RICTOR: variants seen among roughly 807,000 people sequenced by gnomAD.
The protein encoded by RICTOR is RPTOR independent companion of MTOR complex 2.
A neutral mutation model predicts 214.9 loss-of-function variants in RICTOR; 49 were observed. The observed-to-expected ratio is 0.23, with a 90% CI of 0.18 to 0.29. The LOEUF is 0.29. Ranked by LOEUF, RICTOR falls within the 10% of genes least tolerant of loss-of-function variation. The probability of loss-of-function intolerance (pLI) is 1.00; values close to 1 mark genes in which losing one functional copy is unlikely to be tolerated. For missense variants in RICTOR, 1,625 were observed against 2,047.0 expected (o/e 0.79, Z 3.98); for synonymous variants, 717 against 711.3 (o/e 1.01, Z -0.13).
chr5:39,010,991 A>C (rs1221556870), intron 3 of RICTOR, among the ~76,000 whole-genome samples: 2 of 152,228 alleles, frequency 1.3e-5, no homozygotes, highest in Admixed American at 6.5e-5. Flanking sequence ...TGCATAAGTA[A>C]CAAGGATCTG....
intron 8 of RICTOR, 189 bp downstream of exon 8, chr5:38,981,678 T>C: frequency 2.2e-6 from 1 of 447,684 alleles, no homozygotes; most frequent in East Asian, 3.4e-5. Context: ...TGAAATATTC[T>C]TAAGAGTAAT....
chr5:39,008,902 A>G (rs1754276471), intron 3 of RICTOR, among the ~76,000 whole-genome samples: 1 of 152,000 alleles, frequency 6.6e-6, no homozygotes, highest in African/African-American at 2.4e-5. Flanking sequence ...TCATTACTTC[A>G]TCCTTGGGAA....
At chr5:39,011,000 T>C (rs1304544158) in intron 3 of RICTOR, among the ~76,000 whole-genome samples, 1 of 152,216 alleles carries the variant, frequency 6.6e-6, no homozygotes, top group Non-Finnish European at 1.5e-5. Context: ...AACAAGGATC[T>C]GAATGTTAAT....
chr5:38,998,738 G>A (rs2150096950), intron 5 of RICTOR, among the ~76,000 whole-genome samples: 1 of 152,250 alleles, frequency 6.6e-6, no homozygotes, highest in South Asian at 2.1e-4. Flanking sequence ...AAATAAGCCA[G>A]GTGCGGTGGC....
At chr5:39,066,208 TG>T (rs1758894006) in intron 2 of RICTOR, among the ~76,000 whole-genome samples, 1 of 152,198 alleles carries the variant, frequency 6.6e-6, no homozygotes, top group Admixed American at 6.5e-5. Flanking sequence ...TAATAATACA[TG>T]TAAGCCATCA....
At position 38,949,283 on chromosome 5, in the gene RICTOR, T is replaced by A. The variant is rs1366063419; in HGVS notation, c.4136+429A>T. ...ACAGCTACTTAAAGTGAAAATAATT[T>A]CACTGAAATTTTCATTTATCTTTTT... On this transcript the variant is annotated intron_variant, in intron 31 of 37. Coordinates refer to ENST00000357387, the MANE Select transcript of RICTOR (RefSeq NM_152756.5). 11 of 932,250 alleles carry A rather than the reference T, an allele frequency of 1.2e-5. No homozygotes were observed. The East Asian group carries it at 3.0e-4, about 26-fold the overall frequency. 57.7% of individuals were successfully genotyped at this position (932,250 alleles called of 1,614,324 possible).
intron 8 of RICTOR, among the ~76,000 whole-genome samples, chr5:38,979,361 A>T (rs1314358305): frequency 6.6e-6 from 1 of 152,178 alleles, no homozygotes; most frequent in Non-Finnish European, 1.5e-5. Flanking sequence ...TGTGGACATG[A>T]ATTTTAGTTC....
At chr5:39,046,025 T>TA in intron 2 of RICTOR, among the ~76,000 whole-genome samples, 1 of 48,778 alleles carries the variant, frequency 2.1e-5, no homozygotes, top group South Asian at 5.6e-4. Context: ...AGCTCTGTCT[T>TA]TAAAAATAAA....
intron 3 of RICTOR, among the ~76,000 whole-genome samples, chr5:39,020,661 T>C (rs1048127718): frequency 1.3e-5 from 2 of 152,216 alleles, no homozygotes; most frequent in South Asian, 4.1e-4. Flanking sequence ...ATTGACTTTA[T>C]TGCGACACTT....
intron 7 of RICTOR, 120 bp from the exon 8 acceptor site, chr5:38,982,156 A>G: frequency 1.5e-6 from 1 of 651,110 alleles, no homozygotes; most frequent in Non-Finnish European, 2.7e-6. Context: ...CAACATTTAT[A>G]AGAACAGGTA....
chr5:38,967,243 C>G lies in RICTOR; in HGVS notation c.1152-16G>C, dbSNP rs978010390. Reference sequence around the variant, plus strand: ...GAGGTCTGGCCTGGAAAAAACAGCACAGAAACAATTTAAATAAAGTTTCAT... The same window carrying G: ...GAGGTCTGGCCTGGAAAAAACAGCAGAGAAACAATTTAAATAAAGTTTCAT... On this transcript the variant is annotated splice_polypyrimidine_tract_variant and intron_variant, in intron 13 of 37. Coordinates refer to ENST00000357387, the MANE Select transcript of RICTOR (RefSeq NM_152756.5). 3 of 1,609,818 alleles carry G rather than the reference C, an allele frequency of 1.9e-6. No homozygotes were observed. In the African/African-American group the frequency reaches 4.0e-5, roughly 22 times the overall value.
intron 2 of RICTOR, among the ~76,000 whole-genome samples, chr5:39,063,597 T>C (rs1758694541): frequency 6.6e-6 from 1 of 152,186 alleles, no homozygotes; most frequent in East Asian, 1.9e-4. Flanking sequence ...CTCTAGCTTT[T>C]AGAGTCCCTT....
At chr5:39,034,486 C>T (rs1398742839) in intron 2 of RICTOR, among the ~76,000 whole-genome samples, 3 of 152,212 alleles carry the variant, frequency 2.0e-5, no homozygotes, top group African/African-American at 4.8e-5. Flanking sequence ...GTGGGTGCAG[C>T]GCACCGTGCA....
chr5:38,989,232 T>C (rs1421358777), intron 7 of RICTOR, among the ~76,000 whole-genome samples: 1 of 152,150 alleles, frequency 6.6e-6, no homozygotes, highest in Non-Finnish European at 1.5e-5. Flanking sequence ...ATCTGATCTT[T>C]GACAAACCTG....
chr5:39,014,756 G>T (rs184451263), intron 3 of RICTOR, among the ~76,000 whole-genome samples: 1 of 152,042 alleles, frequency 6.6e-6, no homozygotes, highest in Non-Finnish European at 1.5e-5. Context: ...GGCAAGCATG[G>T]GTGTGTGACA....
intron 2 of RICTOR, among the ~76,000 whole-genome samples, chr5:39,032,665 A>G (rs758310304): frequency 3.3e-5 from 5 of 152,222 alleles, no homozygotes; most frequent in African/African-American, 9.6e-5. Flanking sequence ...ACACATTAGA[A>G]AAGAGGTTCA....
chr5:38,962,561 T>C lies in RICTOR; in HGVS notation c.1592A>G (p.Asn531Ser). ...TTGAAGGACTTGGCTATCTCTAAGG[T>C]TAATTAAAAGAGCTTCCTCTGTATC... is the stretch of plus-strand genomic sequence containing the variant. ...LKDTEEALLI[N>S]LRDSQVLQHK... The change falls in exon 18 of 38, where the codon AAC becomes AGC. Residue 531 changes from asparagine (N) to serine (S), a missense_variant. Around this residue, in one of 5 missense-constraint regions of RICTOR, gnomAD observed 1,214 missense variants for 1,470.5 expected, o/e 0.83. Coordinates refer to ENST00000357387, the MANE Select transcript of RICTOR (RefSeq NM_152756.5). 1 of 1,571,340 alleles carries C rather than the reference T, an allele frequency of 6.4e-7. No individual in the cohort carries two copies. Among genetic ancestry groups the C allele is most frequent in the African/African-American group, 1.4e-5 (1 of 73,786 alleles).
At chr5:39,004,097 T>C (rs1753843275) in intron 3 of RICTOR, among the ~76,000 whole-genome samples, 1 of 152,204 alleles carries the variant, frequency 6.6e-6, no homozygotes, top group Admixed American at 6.5e-5. Flanking sequence ...TTTAACAGTA[T>C]TTAGTCAATA....
chr5:38,995,455 C>T (rs936980165), intron 6 of RICTOR, among the ~76,000 whole-genome samples: 3 of 151,910 alleles, frequency 2.0e-5, no homozygotes, highest in Non-Finnish European at 4.4e-5. Context: ...AGATTACATA[C>T]GGGGTACAGT....
Sources: gnomAD v4.1 joint callset for allele counts (sites outside exome capture counted in the v4.1 genomes callset) on GRCh38, gnomAD v4.1.1 for gene constraint, gnomAD v4.1.1 regional missense constraint, MANE v1.5 for transcripts, NCBI Gene and HGNC (gene_info 2026-07-23, HGNC 2026-07-21) for gene names.